The following YPEL2 variants were observed in gnomAD, a reference collection of about 807,000 sequenced individuals.
The protein encoded by YPEL2 is protein yippee-like 2.
In YPEL2, 2 loss-of-function variants were observed where a neutral mutation model predicts 19.1. The observed-to-expected ratio is 0.10, with a 90% CI of 0.04 to 0.33. The LOEUF (loss-of-function observed/expected upper bound fraction) is 0.33, where lower values mean the gene tolerates loss of function less well. Ranked by LOEUF, YPEL2 falls within the 10% of genes least tolerant of loss-of-function variation. YPEL2 has a pLI of 1.00. For missense variants in YPEL2, 66 were observed against 140.7 expected (o/e 0.47, Z 2.68); for synonymous variants, 52 against 50.0 (o/e 1.04, Z -0.17).
At chr17:59,397,065 C>A (rs774873683) in intron 4 of YPEL2, 36 bp from the exon 5 acceptor site, 1 of 1,510,630 alleles carries the variant, frequency 6.6e-7, no homozygotes, top group South Asian at 1.2e-5. Flanking sequence ...TGTCTTTGGT[C>A]GTTCAGTATC....
chr17:59,388,180 A>G (rs1006484218), intron 2 of YPEL2, 147 bp from the exon 3 acceptor site: 5 of 778,602 alleles, frequency 6.4e-6, no homozygotes, highest in Admixed American at 5.5e-5. Flanking sequence ...CCCCCACACC[A>G]TCTGCCAGCG....
At chr17:59,389,960 C>T (rs572891832) in intron 4 of YPEL2, among the ~76,000 whole-genome samples, 204 of 152,198 alleles carry the variant, frequency 1.3e-3, no homozygotes, top group African/African-American at 4.8e-3. Flanking sequence ...AGTATTCTGA[C>T]ACAGAGCCCA....
chr17:59,332,872 G>C (rs979138257), intron 1 of YPEL2, among the ~76,000 whole-genome samples: 4 of 152,150 alleles, frequency 2.6e-5, no homozygotes, highest in African/African-American at 9.7e-5. Context: ...CTTGCAACTT[G>C]GGAGGCTCTT....
At chr17:59,370,941 T>C (rs28573358) in intron 2 of YPEL2, among the ~76,000 whole-genome samples, 1 of 151,736 alleles carries the variant, frequency 6.6e-6, no homozygotes, top group African/African-American at 2.4e-5. Flanking sequence ...CCTTTTTTGT[T>C]TTTTTGTTTT....
intron 3 of YPEL2, chr17:59,388,690 G>A (rs2047993256): frequency 2.8e-6 from 1 of 360,982 alleles, no homozygotes; most frequent in Non-Finnish European, 5.0e-6. Flanking sequence ...TGTCACTGGG[G>A]AAGAGAATAT....
At chr17:59,364,773 A>G (rs1023756303) in intron 2 of YPEL2, among the ~76,000 whole-genome samples, 2 of 152,074 alleles carry the variant, frequency 1.3e-5, no homozygotes, top group African/African-American at 2.4e-5. Flanking sequence ...CTGCCACCAC[A>G]TCGGCTATTT....
At chr17:59,336,733 C>T (rs1451071550) in intron 1 of YPEL2, among the ~76,000 whole-genome samples, 1 of 152,180 alleles carries the variant, frequency 6.6e-6, no homozygotes, top group Middle Eastern at 3.2e-3. Context: ...AATCCATTCT[C>T]AATCCATTGA....
intron 2 of YPEL2, among the ~76,000 whole-genome samples, chr17:59,379,272 G>C (rs1430844794): frequency 6.6e-6 from 1 of 152,092 alleles, no homozygotes; most frequent in Admixed American, 6.5e-5. Context: ...AGGATCTAGG[G>C]CTGTTTTGTT....
chr17:59,398,248 G>A lies in YPEL2; in HGVS notation c.*1058G>A, dbSNP rs930706223. 1.3e-5 allele frequency: 2 copies of A among 152,290 alleles called. No homozygotes were observed. Among genetic ancestry groups the A allele is most frequent in the Non-Finnish European group, 2.9e-5 (2 of 68,098 alleles). 9.4% of individuals were successfully genotyped at this position (152,290 alleles called of 1,614,324 possible). A position where few individuals can be genotyped will look rare whatever the true frequency, so the allele number is the denominator to read the frequency against. ...AGGGGTTTACATTGGAACCAGTTCA[G>A]GTTCGGTGCATCTTTCCTCTTCGGT... On this transcript the variant is annotated 3_prime_UTR_variant, in exon 5 of 5. Coordinates refer to ENST00000312655, the MANE Select transcript of YPEL2 (RefSeq NM_001005404.4).
chr17:59,360,024 T>A (rs1302115678), intron 2 of YPEL2, among the ~76,000 whole-genome samples: 1 of 151,730 alleles, frequency 6.6e-6, no homozygotes, highest in African/African-American at 2.4e-5. Context: ...CTCAGCCTTC[T>A]GAGTAGCTGG....
At chr17:59,365,888 A>G (rs2147945939) in intron 2 of YPEL2, among the ~76,000 whole-genome samples, 1 of 151,324 alleles carries the variant, frequency 6.6e-6, no homozygotes, top group East Asian at 2.0e-4. Context: ...CAGTCCATAA[A>G]CTCCCTCCCC....
chr17:59,394,304 C>T (rs144495411), intron 4 of YPEL2, among the ~76,000 whole-genome samples: 2,936 of 149,842 alleles, frequency 0.02, 95 homozygotes, highest in African/African-American at 0.068. Context: ...ATGGGGCGGC[C>T]GGGCAGAGAC....
rs567365557 is a variant in YPEL2, at chr17:59,336,340, AAAC to A, written c.-196+4520_-196+4522del. ...TTGTTATTTTGTTGTCATTAATAATAAACAACTCTTACCTACCCCAGTAACCTT... is the reference window on the plus strand; with the variant it reads ...TTGTTATTTTGTTGTCATTAATAATAAACTCTTACCTACCCCAGTAACCTT... On this transcript the variant is annotated intron_variant, in intron 1 of 4. Coordinates refer to ENST00000312655, the MANE Select transcript of YPEL2 (RefSeq NM_001005404.4). Among the ~76,000 whole-genome samples the A allele has an allele frequency of 1.2e-4, 18 of 152,344 alleles. No homozygotes were observed. The East Asian group carries it at 2.5e-3, about 21-fold the overall frequency.
chr17:59,389,844 C>G (rs538967691), intron 4 of YPEL2, among the ~76,000 whole-genome samples: 1 of 152,046 alleles, frequency 6.6e-6, no homozygotes, highest in African/African-American at 2.4e-5. Context: ...ATGTCCAAGG[C>G]AATCTAGCCA....
intron 2 of YPEL2, among the ~76,000 whole-genome samples, chr17:59,384,012 T>C (rs1002263837): frequency 9.9e-5 from 15 of 152,174 alleles, no homozygotes; most frequent in Non-Finnish European, 2.9e-5. Flanking sequence ...AGGCTTTCGT[T>C]TCACTTGGGT....
At chr17:59,383,588 AAAAAAAAAAAAAAAAAAAAAAATAT>A (rs1158567979) in intron 2 of YPEL2, among the ~76,000 whole-genome samples, 7 of 41,280 alleles carry the variant, frequency 1.7e-4, no homozygotes, top group African/African-American at 7.4e-4. Context: ...AAAAAAAAAA[AAAAAAAAAAAAAAAAAAAAAAATAT>A]ATATATATAT....
rs1482455066 is a variant in YPEL2, at chr17:59,398,651, A to G, written c.*1461A>G. The G allele has an allele frequency of 1.3e-5, 2 of 152,218 alleles. No homozygotes were observed. The highest frequency in any genetic ancestry group is 2.9e-5 in the Non-Finnish European group (2 of 68,046). The allele number at this position is 152,218 out of a possible 1,614,324, so 9.4% of individuals were successfully genotyped here. A position where few individuals can be genotyped will look rare whatever the true frequency, so the allele number is the denominator to read the frequency against. The stretch of plus-strand genomic sequence containing the variant: ...TGTTCTACAGCAATTCAGCCATTAC[A>G]CAGTATATGACTGAAACTCATTTAA... On this transcript the variant is annotated 3_prime_UTR_variant, in exon 5 of 5. Coordinates refer to ENST00000312655, the MANE Select transcript of YPEL2 (RefSeq NM_001005404.4).
intron 2 of YPEL2, among the ~76,000 whole-genome samples, chr17:59,364,022 G>T (rs541884561): frequency 1.3e-5 from 2 of 152,108 alleles, no homozygotes; most frequent in Non-Finnish European, 2.9e-5. Flanking sequence ...AATGTCTGTA[G>T]AACTCACTCT....
At chr17:59,362,172 A>G (rs1431632269) in intron 2 of YPEL2, among the ~76,000 whole-genome samples, 1 of 152,156 alleles carries the variant, frequency 6.6e-6, no homozygotes, top group African/African-American at 2.4e-5. Flanking sequence ...GTGTCTGTCC[A>G]TTGCAGTGGT....
Sources: allele counts gnomAD v4.1 joint callset (sites outside exome capture counted in the v4.1 genomes callset), GRCh38; gene constraint gnomAD v4.1.1; transcripts MANE v1.5; gene names NCBI Gene and HGNC (gene_info 2026-07-23, HGNC 2026-07-21).